The following DMRT1 variants were observed in gnomAD, a reference collection of about 807,000 sequenced individuals.
DMRT1 encodes doublesex and mab-3 related transcription factor 1.
A neutral mutation model predicts 32.3 loss-of-function variants in DMRT1; 7 were observed. The observed-to-expected ratio is 0.22, with a 90% CI of 0.12 to 0.41. The LOEUF is 0.41. Ranked by LOEUF, DMRT1 falls within the 10% of genes least tolerant of loss-of-function variation. The probability of loss-of-function intolerance (pLI) is 1.00; values close to 1 mark genes in which losing one functional copy is unlikely to be tolerated. For missense variants in DMRT1, 625 were observed against 500.5 expected, an observed-to-expected ratio of 1.25 and a Z score of -2.37; for synonymous variants, 278 against 206.1, an observed-to-expected ratio of 1.35 and a Z score of -2.99.
At chr9:954,764 C>T (rs2129970551) in intron 4 of DMRT1, among the ~76,000 whole-genome samples, 1 of 152,246 alleles carries the variant, frequency 6.6e-6, no homozygotes, top group East Asian at 1.9e-4. Context: ...GCCTCAGCCT[C>T]CCTAGTAGCT....
chr9:935,392 T>C (rs1006021723), intron 4 of DMRT1, among the ~76,000 whole-genome samples: 2 of 152,182 alleles, frequency 1.3e-5, no homozygotes, highest in Non-Finnish European at 2.9e-5. Context: ...AAGTGAAAAG[T>C]CAATGTGTAG....
chr9:941,041 AG>A (rs1429777311), intron 4 of DMRT1, among the ~76,000 whole-genome samples: 1 of 152,228 alleles, frequency 6.6e-6, no homozygotes, highest in African/African-American at 2.4e-5. Context: ...AATGTTGACA[AG>A]GATGTGGAAT....
intron 3 of DMRT1, among the ~76,000 whole-genome samples, chr9:904,082 C>T (rs78145711): frequency 2.6e-5 from 4 of 152,208 alleles, no homozygotes; most frequent in Non-Finnish European, 4.4e-5. Context: ...ATTAGTCTTG[C>T]GAGGTTGTTA....
chr9:854,566 G>A (rs993389820), intron 2 of DMRT1, among the ~76,000 whole-genome samples: 5 of 152,204 alleles, frequency 3.3e-5, no homozygotes, highest in Admixed American at 6.5e-5. Flanking sequence ...CAATAAAAGC[G>A]TTTTATACAA....
intron 4 of DMRT1, among the ~76,000 whole-genome samples, chr9:958,873 C>G (rs904829856): frequency 6.6e-6 from 1 of 152,196 alleles, no homozygotes; most frequent in Non-Finnish European, 1.5e-5. Context: ...TTGTGACCAG[C>G]TCCTCTGGCA....
At chr9:939,171 C>T (rs943412503) in intron 4 of DMRT1, among the ~76,000 whole-genome samples, 1 of 152,226 alleles carries the variant, frequency 6.6e-6, no homozygotes, top group African/African-American at 2.4e-5. Flanking sequence ...CCCTGCTCAT[C>T]TTCTGTCTGT....
At chr9:930,698 G>A (rs567476466) in intron 4 of DMRT1, among the ~76,000 whole-genome samples, 19 of 152,144 alleles carry the variant, frequency 1.2e-4, no homozygotes, top group South Asian at 4.2e-4. Context: ...ATGAGCCACC[G>A]CACCCGGCCA....
intron 2 of DMRT1, among the ~76,000 whole-genome samples, chr9:852,764 G>A (rs1478169171): frequency 6.6e-6 from 1 of 152,138 alleles, no homozygotes. Context: ...GGGCCCCCCT[G>A]GGCAGCTCCA....
chr9:853,258 C>T (rs1023829080), intron 2 of DMRT1, among the ~76,000 whole-genome samples: 2 of 151,982 alleles, frequency 1.3e-5, no homozygotes, highest in Admixed American at 6.6e-5. Flanking sequence ...TCATTGTCAT[C>T]CAGAGTCCGT....
intron 3 of DMRT1, among the ~76,000 whole-genome samples, chr9:906,051 ACT>A (rs1564241181): frequency 1.7e-4 from 13 of 75,482 alleles, no homozygotes; most frequent in Non-Finnish European, 4.2e-4. Flanking sequence ...ACACACACAC[ACT>A]CACACACTCT....
intron 3 of DMRT1, chr9:894,733 C>A: frequency 5.7e-6 from 1 of 174,840 alleles, no homozygotes; most frequent in Non-Finnish European, 1.2e-5. Flanking sequence ...TTGAGCTGGA[C>A]CCAACCTGGG....
At chr9:893,511 A>C (rs1586578349) in intron 2 of DMRT1, among the ~76,000 whole-genome samples, 1 of 152,174 alleles carries the variant, frequency 6.6e-6, no homozygotes, top group Non-Finnish European at 1.5e-5. Flanking sequence ...ACTCTTGGCC[A>C]CTCGTTTTGA....
chr9:905,567 G>C (rs1220382070), intron 3 of DMRT1, among the ~76,000 whole-genome samples: 2 of 151,516 alleles, frequency 1.3e-5, no homozygotes, highest in African/African-American at 4.9e-5. Context: ...CACCTTTAAA[G>C]TGTATAATGG....
At chr9:859,098 T>G (rs1217650976) in intron 2 of DMRT1, among the ~76,000 whole-genome samples, 1 of 152,020 alleles carries the variant, frequency 6.6e-6, no homozygotes, top group Non-Finnish European at 1.5e-5. Context: ...TTCTTGAAAG[T>G]TCCCTGGCTT....
chr9:953,393 C>G (rs910910517), intron 4 of DMRT1, among the ~76,000 whole-genome samples: 1 of 152,116 alleles, frequency 6.6e-6, no homozygotes, highest in Non-Finnish European at 1.5e-5. Context: ...AGGGTAGATT[C>G]GAGCTGCCTC....
intron 4 of DMRT1, among the ~76,000 whole-genome samples, chr9:952,083 A>G (rs1238979874): frequency 6.6e-6 from 1 of 150,812 alleles, no homozygotes; most frequent in Non-Finnish European, 1.5e-5. Flanking sequence ...CCAGGGTCCC[A>G]TAACTAGTAA....
chr9:883,658 G>T (rs1816818366), intron 2 of DMRT1, among the ~76,000 whole-genome samples: 1 of 151,728 alleles, frequency 6.6e-6, no homozygotes, highest in Non-Finnish European at 1.5e-5. Context: ...CGTGTATGGT[G>T]GCGTGCCCCT....
At chr9:878,659 T>G (rs570035399) in intron 2 of DMRT1, among the ~76,000 whole-genome samples, 181 of 152,220 alleles carry the variant, frequency 1.2e-3, no homozygotes, top group African/African-American at 4.3e-3. Context: ...ATGATGAGGA[T>G]TTGGAGCAAG....
intron 2 of DMRT1, among the ~76,000 whole-genome samples, chr9:876,078 G>A (rs1019938055): frequency 1.3e-5 from 2 of 152,200 alleles, no homozygotes; most frequent in Non-Finnish European, 2.9e-5. Flanking sequence ...GTTAGTGGTA[G>A]ATTTGGTGGA....
Sources: allele counts gnomAD v4.1 joint callset (sites outside exome capture counted in the v4.1 genomes callset), GRCh38; gene constraint gnomAD v4.1.1; transcripts MANE v1.5; gene names NCBI Gene and HGNC (gene_info 2026-07-23, HGNC 2026-07-21).